The following USP49 variants were observed in gnomAD, a reference collection of about 807,000 sequenced individuals.
USP49 encodes the protein ubiquitin carboxyl-terminal hydrolase 49.
USP49 carries 24 observed loss-of-function variants against 58.6 expected under a neutral mutation model. That is an observed-to-expected ratio of 0.41 (90% CI 0.30 to 0.58). The LOEUF (loss-of-function observed/expected upper bound fraction) is 0.58, where lower values mean the gene tolerates loss of function less well. Among genes scored for constraint, USP49 ranks in the 20% least tolerant of loss-of-function variants. The pLI is 0.30. For synonymous variants in USP49, 408 were observed against 365.1 expected (o/e 1.12, Z -1.34); for missense variants, 703 against 866.1 (o/e 0.81, Z 2.36).
At chr6:41,844,462 C>G (rs12527627) in intron 3 of USP49, among the ~76,000 whole-genome samples, 1 of 151,798 alleles carries the variant, frequency 6.6e-6, no homozygotes, top group African/African-American at 2.4e-5. Flanking sequence ...TACAGGCGTC[C>G]GCCACCATGC....
rs551687619 is a variant in USP49 at position 41,834,230 on chromosome 6, A to G, written c.-28-27219T>C. Among the ~76,000 whole-genome samples the G allele has an allele frequency of 2.3e-4, 35 of 152,318 alleles. 1 individual carries two copies. The highest frequency in any genetic ancestry group is 4.3e-4 in the Non-Finnish European group (29 of 68,032). ...CCAATTCCATTCCTATGATACCCAT[A>G]CTTTACCTCACTCTATCATAACATC... is the stretch of plus-strand genomic sequence containing the variant. On this transcript the variant is annotated intron_variant, in intron 3 of 7. Transcript: ENST00000682992.
At chr6:41,801,874 A>G (rs1236946416) in intron 5 of USP49, among the ~76,000 whole-genome samples, 1 of 152,250 alleles carries the variant, frequency 6.6e-6, no homozygotes, top group East Asian at 1.9e-4. Context: ...AAATCCTGAT[A>G]AATTGGCATA....
intron 3 of USP49, among the ~76,000 whole-genome samples, chr6:41,813,686 G>A (rs1316998183): frequency 6.6e-6 from 1 of 152,192 alleles, no homozygotes; most frequent in Non-Finnish European, 1.5e-5. Flanking sequence ...TATGGGCAGA[G>A]TAAATCCATT....
intron 3 of USP49, among the ~76,000 whole-genome samples, chr6:41,845,455 G>A (rs1467267380): frequency 6.6e-6 from 1 of 151,996 alleles, no homozygotes; most frequent in Admixed American, 6.6e-5. Context: ...AGGAGGCGGA[G>A]GTTGTGGTAA....
chr6:41,863,458 G>A (rs940778969), intron 3 of USP49, among the ~76,000 whole-genome samples: 2 of 152,082 alleles, frequency 1.3e-5, no homozygotes, highest in East Asian at 1.9e-4. Flanking sequence ...TGACGCCTCC[G>A]ATCTTTCTGG....
chr6:41,891,418 A>G (rs1196456641), intron 2 of USP49, among the ~76,000 whole-genome samples: 3 of 152,210 alleles, frequency 2.0e-5, no homozygotes, highest in Non-Finnish European at 4.4e-5. Flanking sequence ...AGGACCCTCT[A>G]TTTCATCACC....
chr6:41,829,084 T>C (rs1773590810), intron 3 of USP49, among the ~76,000 whole-genome samples: 1 of 152,226 alleles, frequency 6.6e-6, no homozygotes, highest in Non-Finnish European at 1.5e-5. Context: ...CTACTATGAA[T>C]AGAATCTTTA....
At chr6:41,797,163 T>C (rs1772901741) in intron 7 of USP49, among the ~76,000 whole-genome samples, 1 of 152,076 alleles carries the variant, frequency 6.6e-6, no homozygotes, top group African/African-American at 2.4e-5. Context: ...GGCTTCACCA[T>C]GTTAGCCAGG....
At chr6:41,887,861 A>AT (rs937705938) in intron 2 of USP49, among the ~76,000 whole-genome samples, 1 of 152,166 alleles carries the variant, frequency 6.6e-6, no homozygotes, top group African/African-American at 2.4e-5. Context: ...AACCCTGAAA[A>AT]TTTCAGGAGA....
chr6:41,801,446 T>C (rs1051762765), intron 5 of USP49, among the ~76,000 whole-genome samples: 3 of 152,174 alleles, frequency 2.0e-5, no homozygotes, highest in African/African-American at 7.2e-5. Flanking sequence ...TCAGAATGAG[T>C]GTGCCATAGG....
intron 3 of USP49, among the ~76,000 whole-genome samples, chr6:41,825,734 C>G (rs1043887993): frequency 1.3e-5 from 2 of 152,116 alleles, no homozygotes; most frequent in East Asian, 1.9e-4. Flanking sequence ...CCTGATTTCT[C>G]AGTAAATTTT....
chr6:41,799,591 C>T (rs925096322), intron 6 of USP49, among the ~76,000 whole-genome samples: 1 of 152,150 alleles, frequency 6.6e-6, no homozygotes, highest in Non-Finnish European at 1.5e-5. Context: ...GCACAGACAC[C>T]CAGTGCAGGC....
intron 3 of USP49, among the ~76,000 whole-genome samples, chr6:41,834,086 G>C (rs1486039085): frequency 1.3e-5 from 2 of 152,154 alleles, no homozygotes; most frequent in African/African-American, 2.4e-5. Context: ...AATCAAAGTA[G>C]GCAACTAAAG....
chr6:41,839,040 T>C (rs1262897890), intron 3 of USP49, among the ~76,000 whole-genome samples: 2 of 152,096 alleles, frequency 1.3e-5, no homozygotes, highest in Non-Finnish European at 2.9e-5. Context: ...AGTGACACAA[T>C]CTATTAAACC....
chr6:41,813,353 T>C (rs1773292244), intron 3 of USP49, among the ~76,000 whole-genome samples: 1 of 152,130 alleles, frequency 6.6e-6, no homozygotes, highest in Non-Finnish European at 1.5e-5. Flanking sequence ...TCATATGAAA[T>C]ACAGCAGAGC....
chr6:41,845,062 G>A (rs372970848), intron 3 of USP49, among the ~76,000 whole-genome samples: 14 of 152,048 alleles, frequency 9.2e-5, no homozygotes, highest in African/African-American at 1.2e-4. Flanking sequence ...CACTACGCCC[G>A]GCTAATTTTT....
chr6:41,805,942 T>C lies in USP49; in HGVS notation c.1042A>G (p.Lys348Glu). The change falls in exon 4 of 8, where the codon AAG (lysine) becomes GAG (glutamate). Residue 348 changes from lysine to glutamate, a missense_variant. This residue lies in a region of USP49 where 97 missense variants were observed against 88.0 expected (regional missense o/e 1.10). Coordinates refer to ENST00000682992, the MANE Select transcript of USP49 (RefSeq NM_001286554.2). ...ISRSLELIQN[K>E]EPSSKHISLC... ...GAAATGTGCTTTGAACTCGGCTCCT[T>C]GTTCTGGATGAGCTCCAGACTCCGA... 1 of 1,613,932 alleles carries C rather than the reference T, an allele frequency of 6.2e-7. No homozygotes were observed.
Position 41,790,554 on chromosome 6 carries a change from T to C in USP49, c.*5979A>G, listed in dbSNP as rs1023377693. ...CTGCTTTTATGTGCCAAGTCTCTTATGGAACTAGTATGGGATTAAAGGACG... is the reference window on the plus strand; with the variant it reads ...CTGCTTTTATGTGCCAAGTCTCTTACGGAACTAGTATGGGATTAAAGGACG... On this transcript the variant is annotated 3_prime_UTR_variant, in exon 8 of 8. Coordinates refer to ENST00000682992, the MANE Select transcript of USP49 (RefSeq NM_001286554.2). 1 of 152,144 alleles carries C rather than the reference T, an allele frequency of 6.6e-6. No homozygotes were observed. The highest frequency in any genetic ancestry group is 1.5e-5 in the Non-Finnish European group (1 of 68,032). The allele number at this position is 152,144 out of a possible 1,614,324, so 9.4% of individuals were successfully genotyped here. A position where few individuals can be genotyped will look rare whatever the true frequency, so the allele number is the denominator to read the frequency against.
intron 2 of USP49, among the ~76,000 whole-genome samples, chr6:41,878,583 T>C (rs1439770325): frequency 6.6e-6 from 1 of 152,220 alleles, no homozygotes; most frequent in East Asian, 1.9e-4. Flanking sequence ...AATCTAATCC[T>C]GCTTCTTATA....
Sources: allele counts gnomAD v4.1 joint callset (sites outside exome capture counted in the v4.1 genomes callset), GRCh38; gene constraint gnomAD v4.1.1; regional missense constraint gnomAD v4.1.1; transcripts MANE v1.5; gene names NCBI Gene and HGNC (gene_info 2026-07-23, HGNC 2026-07-21).